DDX10: variants seen among roughly 807,000 people sequenced by gnomAD.
DDX10 encodes the protein DEAD-box helicase 10.
DDX10 carries 74 observed loss-of-function variants against 104.3 expected under a neutral mutation model. The ratio of observed to expected loss-of-function variants is 0.71; its 90% CI spans 0.59 to 0.86. DDX10 has a LOEUF of 0.86. DDX10 is among the 40% of genes least tolerant of loss of function. The pLI is 0.00. For synonymous variants in DDX10, 351 were observed against 353.4 expected (o/e 0.99, Z 0.08); for missense variants, 952 against 1,040.0 (o/e 0.92, Z 1.16).
chr11:108,869,707 C>T (rs531459300), intron 16 of DDX10, among the ~76,000 whole-genome samples: 13 of 152,106 alleles, frequency 8.5e-5, no homozygotes, highest in African/African-American at 3.1e-4. Flanking sequence ...TATATCGATA[C>T]TGACTCAAAA....
chr11:108,734,421 G>A (rs1010099518), intron 13 of DDX10, among the ~76,000 whole-genome samples: 5 of 152,104 alleles, frequency 3.3e-5, no homozygotes, highest in Non-Finnish European at 5.9e-5. Context: ...TTCAAAAGGA[G>A]TTGTTATTGT....
chr11:108,940,546 T>C lies in DDX10; in HGVS notation c.*123T>C, dbSNP rs1301054158. ...GCCCCATTCCCAAAGGGCACATTTC[T>C]GGATAGAAGCGATCGTATCTCCAAG... On this transcript the variant is annotated 3_prime_UTR_variant, in exon 18 of 18. Transcript: ENST00000322536. The C allele has an allele frequency of 2.2e-6, 2 of 920,794 alleles. No homozygotes were observed. Among genetic ancestry groups the C allele is most frequent in the Non-Finnish European group, 3.2e-6 (2 of 621,804 alleles). The allele number at this position is 920,794 out of a possible 1,614,324, so 57.0% of individuals were successfully genotyped here.
chr11:108,874,930 GTTATTTAAACCC>G (rs1321896881), intron 16 of DDX10, among the ~76,000 whole-genome samples: 1 of 152,114 alleles, frequency 6.6e-6, no homozygotes, highest in East Asian at 1.9e-4. Context: ...TCTTGTGCCA[GTTATTTAAACCC>G]TTAGAGCAAT....
At chr11:108,692,108 G>A in intron 8 of DDX10, 70 bp downstream of exon 8, 1 of 1,406,416 alleles carries the variant, frequency 7.1e-7, no homozygotes, top group Non-Finnish European at 9.6e-7. Flanking sequence ...AGTATATTTT[G>A]GGAAATCTGA....
At chr11:108,841,658 G>A (rs879641596) in intron 15 of DDX10, among the ~76,000 whole-genome samples, 182 bp downstream of exon 15, 4 of 151,978 alleles carry the variant, frequency 2.6e-5, no homozygotes, top group Non-Finnish European at 5.9e-5. Context: ...TCTGTATATT[G>A]ACTCGTTTCT....
intron 9 of DDX10, among the ~76,000 whole-genome samples, chr11:108,695,680 T>C (rs1321215007): frequency 6.6e-6 from 1 of 152,220 alleles, no homozygotes; most frequent in African/African-American, 2.4e-5. Context: ...TTTATGTCTT[T>C]TTATAGCCTA....
In DDX10 at chr11:108,796,906, T is replaced by G. The variant is rs150795780; in HGVS notation, c.1966-41540T>G. Among the ~76,000 whole-genome samples, 1,432 of 152,316 alleles carry G rather than the reference T, an allele frequency of 9.4e-3. 15 individuals are homozygous for G. Among genetic ancestry groups the G allele is most frequent in the Admixed American group, 0.02 (305 of 15,296 alleles). ...TCTCTGTTTCGTATGTGTGATGCCT[T>G]TCACGGTGTTATAATGCAGCAAGAA... On this transcript the variant is annotated intron_variant, in intron 13 of 17. Transcript: ENST00000322536.
chr11:108,723,753 C>T (rs897152638), intron 13 of DDX10, among the ~76,000 whole-genome samples: 1 of 152,094 alleles, frequency 6.6e-6, no homozygotes, highest in African/African-American at 2.4e-5. Context: ...CAAAGGAAGG[C>T]AATGAAGTTT....
chr11:108,769,745 T>C (rs1262937626), intron 13 of DDX10, among the ~76,000 whole-genome samples: 1 of 152,212 alleles, frequency 6.6e-6, no homozygotes, highest in East Asian at 1.9e-4. Flanking sequence ...CTTACTCTTT[T>C]TAGTCTCAAT....
chr11:108,884,452 C>T (rs1863268063), intron 16 of DDX10, among the ~76,000 whole-genome samples: 1 of 152,114 alleles, frequency 6.6e-6, no homozygotes, highest in African/African-American at 2.4e-5. Flanking sequence ...GCCTCTTCCC[C>T]TCCTCCCGTA....
intron 17 of DDX10, among the ~76,000 whole-genome samples, chr11:108,931,607 C>T (rs1863976096): frequency 6.6e-6 from 1 of 152,092 alleles, no homozygotes; most frequent in Non-Finnish European, 1.5e-5. Context: ...GAGAAGTTAC[C>T]TGTAAAGTTA....
At chr11:108,772,607 G>A (rs559549323) in intron 13 of DDX10, among the ~76,000 whole-genome samples, 1 of 152,190 alleles carries the variant, frequency 6.6e-6, no homozygotes, top group African/African-American at 2.4e-5. Flanking sequence ...AAATGCCGTC[G>A]AAAGGCCATG....
chr11:108,860,434 A>G (rs1002279627), intron 16 of DDX10: 2 of 152,234 alleles, frequency 1.3e-5, no homozygotes, highest in Non-Finnish European at 2.9e-5. Flanking sequence ...GCCATATGGT[A>G]TGTAAGCAGA....
chr11:108,741,567 T>G (rs2094325241), intron 13 of DDX10, among the ~76,000 whole-genome samples: 1 of 152,150 alleles, frequency 6.6e-6, no homozygotes, highest in African/African-American at 2.4e-5. Flanking sequence ...GTGGTTGTTT[T>G]GGACGGGATT....
chr11:108,835,725 T>A (rs181224693), intron 13 of DDX10, among the ~76,000 whole-genome samples: 1 of 152,190 alleles, frequency 6.6e-6, no homozygotes, highest in East Asian at 1.9e-4. Flanking sequence ...GGATGAAGGA[T>A]TTGGTCCGTG....
chr11:108,822,234 T>G (rs1448766024), intron 13 of DDX10: 1 of 205,416 alleles, frequency 4.9e-6, no homozygotes, highest in East Asian at 1.5e-4. Flanking sequence ...CATTCATTGA[T>G]GATCTGAATT....
intron 16 of DDX10, among the ~76,000 whole-genome samples, chr11:108,885,287 G>C (rs1863281091): frequency 6.6e-6 from 1 of 151,308 alleles, no homozygotes; most frequent in Non-Finnish European, 1.5e-5. Context: ...ATTGCACAGT[G>C]AATACAATAC....
intron 16 of DDX10, among the ~76,000 whole-genome samples, chr11:108,917,448 T>C (rs542296651): frequency 6.6e-6 from 1 of 152,262 alleles, no homozygotes; most frequent in South Asian, 2.1e-4. Context: ...TGGTGTGCAA[T>C]GGCTATTCAC....
At chr11:108,920,463 A>T (rs1188332075) in intron 17 of DDX10, 2 of 152,198 alleles carry the variant, frequency 1.3e-5, no homozygotes. Context: ...CCTGTAGCGT[A>T]TATAAGGGCT....
Sources: allele counts gnomAD v4.1 joint callset (sites outside exome capture counted in the v4.1 genomes callset), GRCh38; gene constraint gnomAD v4.1.1; transcripts MANE v1.5; gene names NCBI Gene and HGNC (gene_info 2026-07-23, HGNC 2026-07-21).